CLASP2: variants seen among roughly 807,000 people sequenced by gnomAD.
CLASP2 encodes CLIP-associating protein 2.
A neutral mutation model predicts 194.4 loss-of-function variants in CLASP2; 47 were observed. The ratio of observed to expected loss-of-function variants is 0.24; its 90% CI spans 0.19 to 0.31. CLASP2 has a LOEUF of 0.31. Among genes scored for constraint, CLASP2 ranks in the 10% least tolerant of loss-of-function variants. The probability of loss-of-function intolerance (pLI) is 1.00; values close to 1 mark genes in which losing one functional copy is unlikely to be tolerated. For synonymous variants in CLASP2, 619 were observed against 633.5 expected (o/e 0.98, Z 0.34); for missense variants, 1,445 against 1,823.6 (o/e 0.79, Z 3.78).
chr3:33,689,885 G>A lies in CLASP2; in HGVS notation c.322C>T (p.Arg108Ter), dbSNP rs755785792. ...AATATCAGAGTCTGAGCTTCATCTC[G>A]AACCTTGTCTTTGGCATCTCCCATT... ...DRMGDAKDKVRDEAQTLILKL... is the reference protein window; with the variant it reads ...DRMGDAKDKV Residue 108 changes from arginine (R) to a stop codon, truncating the protein, a stop_gained, in exon 3 of 39, where the codon CGA (arginine) becomes TGA (stop). Coordinates refer to ENST00000682230, the MANE Select transcript of CLASP2 (RefSeq NM_001365631.1). LOFTEE classifies it high-confidence loss of function. 4 of 1,599,980 alleles carry A rather than the reference G, an allele frequency of 2.5e-6. No individual in the cohort carries two copies. The highest frequency in any genetic ancestry group is 3.5e-5 in the Admixed American group (2 of 57,580).
chr3:33,585,703 C>T (rs1463415086), intron 21 of CLASP2, among the ~76,000 whole-genome samples: 5 of 152,116 alleles, frequency 3.3e-5, no homozygotes, highest in South Asian at 4.2e-4. Flanking sequence ...GTACCCAATA[C>T]GCAGTCTTTT....
intron 38 of CLASP2, among the ~76,000 whole-genome samples, chr3:33,500,423 C>A (rs184484299): frequency 6.6e-6 from 1 of 152,170 alleles, no homozygotes; most frequent in Non-Finnish European, 1.5e-5. Flanking sequence ...TGATAAAGTG[C>A]TGAATTTTAA....
At position 33,718,160 on chromosome 3, in the gene CLASP2, A is replaced by C. The variant is rs1235732445; in HGVS notation, c.-158T>G. 7 of 630,718 alleles carry C rather than the reference A, an allele frequency of 1.1e-5. No homozygotes were observed. Among genetic ancestry groups the C allele is most frequent in the Admixed American group, 4.3e-5 (1 of 23,470 alleles). The allele number at this position is 630,718 out of a possible 1,614,324, so 39.1% of individuals were successfully genotyped here. A position where few individuals can be genotyped will look rare whatever the true frequency, so the allele number is the denominator to read the frequency against. On this transcript the variant is annotated 5_prime_UTR_variant, in exon 1 of 39. Coordinates refer to ENST00000682230, the MANE Select transcript of CLASP2 (RefSeq NM_001365631.1). The stretch of plus-strand genomic sequence containing the variant: ...GCAGCGGGCGGCGGGAGGAACGCCA[A>C]GCGCCCAGCCGCCCCCAAACTAGTC...
intron 18 of CLASP2, among the ~76,000 whole-genome samples, chr3:33,597,506 C>T (rs1576978610): frequency 6.6e-6 from 1 of 152,244 alleles, no homozygotes; most frequent in East Asian, 1.9e-4. Context: ...CTGAACTCTG[C>T]TACAGTTTGC....
At chr3:33,650,310 T>C (rs184632013) in intron 7 of CLASP2, among the ~76,000 whole-genome samples, 1 of 152,214 alleles carries the variant, frequency 6.6e-6, no homozygotes, top group Non-Finnish European at 1.5e-5. Flanking sequence ...TTAGGATACA[T>C]ACAGTAGGTG....
At chr3:33,678,701 T>A (rs2089277843) in intron 6 of CLASP2, among the ~76,000 whole-genome samples, 1 of 152,180 alleles carries the variant, frequency 6.6e-6, no homozygotes, top group Non-Finnish European at 1.5e-5. Flanking sequence ...CATAAAGGTA[T>A]AAATCTAACG....
At chr3:33,616,793 A>G (rs2076254958) in intron 12 of CLASP2, among the ~76,000 whole-genome samples, 1 of 132,188 alleles carries the variant, frequency 7.6e-6, no homozygotes, top group African/African-American at 3.0e-5. Flanking sequence ...GCTGGAGTGC[A>G]GTGGCGTAAT....
intron 17 of CLASP2, 109 bp downstream of exon 17, chr3:33,604,045 G>T: frequency 2.6e-6 from 2 of 772,622 alleles, no homozygotes; most frequent in South Asian, 3.2e-5. Flanking sequence ...GTGTGGTACT[G>T]AGTTACCAAG....
intron 34 of CLASP2, among the ~76,000 whole-genome samples, chr3:33,519,480 T>C (rs1379146589): frequency 6.6e-6 from 1 of 152,090 alleles, no homozygotes; most frequent in Non-Finnish European, 1.5e-5. Context: ...AAATTTTAGA[T>C]TTTAAAAACA....
chr3:33,680,447 T>C (rs1404974529), intron 6 of CLASP2, among the ~76,000 whole-genome samples: 1 of 152,210 alleles, frequency 6.6e-6, no homozygotes, highest in Non-Finnish European at 1.5e-5. Flanking sequence ...TAGGCATGTA[T>C]AGCGACAGAG....
chr3:33,535,392 G>A lies in CLASP2; in HGVS notation c.3628C>T (p.Leu1210Phe), dbSNP rs767746519. ...TGGAGCAATGAAGCTTTATTATCAA[G>A]AGCTGTTTGACTTGAGTCAGTAGCA... ...GDATDSSQTA[L>F]DNKASLLHSM... The change falls in exon 34 of 39, where the codon CTT becomes TTT. Residue 1210 changes from leucine (L) to phenylalanine (F), a missense_variant. Around this residue, in one of 4 missense-constraint regions of CLASP2, gnomAD observed 732 missense variants for 987.9 expected, o/e 0.74. Transcript: ENST00000682230. 13 of 1,613,940 alleles carry A rather than the reference G, an allele frequency of 8.1e-6. No homozygotes were observed. The highest frequency in any genetic ancestry group is 1.7e-5 in the Admixed American group (1 of 60,024).
At chr3:33,585,000 T>C in intron 21 of CLASP2, 80 bp from the exon 22 acceptor site, 7 of 1,277,548 alleles carry the variant, frequency 5.5e-6, no homozygotes, top group Non-Finnish European at 7.6e-6. Context: ...TCAAGAAATA[T>C]TGATAATACA....
intron 34 of CLASP2, among the ~76,000 whole-genome samples, chr3:33,518,167 T>C (rs928726699): frequency 1.3e-5 from 2 of 152,336 alleles, no homozygotes; most frequent in African/African-American, 4.8e-5. Flanking sequence ...CTTTAAATTT[T>C]AGCATCAAGA....
At position 33,544,731 on chromosome 3, in the gene CLASP2, A is replaced by G; in HGVS notation, c.3264T>C (p.His1088=). Residue 1088 remains histidine (H), a synonymous_variant, in exon 31 of 39, where the codon CAT becomes CAC. Coordinates refer to ENST00000682230, the MANE Select transcript of CLASP2 (RefSeq NM_001365631.1). ...CATTGCCAGTGTTTCGAAGGTGATT[A>G]TGAAGAAGCTTGGTAGCACCATCCT... ...TFQDGATKLL[H]NHLRNTGNGT... The G allele has an allele frequency of 6.2e-7, 1 of 1,613,348 alleles. No homozygotes were observed. The highest frequency in any genetic ancestry group is 8.5e-7 in the Non-Finnish European group (1 of 1,179,596).
intron 2 of CLASP2, among the ~76,000 whole-genome samples, chr3:33,694,379 C>A (rs1410797002): frequency 6.6e-6 from 1 of 152,168 alleles, no homozygotes; most frequent in Non-Finnish European, 1.5e-5. Context: ...ATGTGGTACT[C>A]CTGGTGTCTG....
chr3:33,708,100 T>C (rs1005009906), intron 1 of CLASP2, among the ~76,000 whole-genome samples: 1 of 152,086 alleles, frequency 6.6e-6, no homozygotes, highest in African/African-American at 2.4e-5. Flanking sequence ...TCTACGCTCT[T>C]AGTAAATTTC....
At chr3:33,520,623 T>C (rs541700147) in intron 34 of CLASP2, among the ~76,000 whole-genome samples, 1 of 152,126 alleles carries the variant, frequency 6.6e-6, no homozygotes, top group South Asian at 2.1e-4. Flanking sequence ...AAGGAGGTAA[T>C]AGCAGAGATA....
In CLASP2 at chr3:33,501,760, A is replaced by G. The variant is rs867925729; in HGVS notation, c.4326T>C (p.Asp1442=). 1.7e-5 allele frequency: 27 copies of G among 1,610,692 alleles called. 1 individual carries two copies. In the Middle Eastern group the frequency reaches 3.8e-3, roughly 227 times the overall value. The change falls in exon 38 of 39, where the codon GAT becomes GAC. Residue 1442 remains aspartate, a synonymous_variant. Coordinates refer to ENST00000682230, the MANE Select transcript of CLASP2 (RefSeq NM_001365631.1). ...CTTTCCGAACACTGCTCTCTGAATT[A>G]TCATAACCCTACGGAGAGAAGTCCA... is the stretch of plus-strand genomic sequence containing the variant. ...EIMPGLIQGY[D]NSESSVRKAC...
chr3:33,541,302 A>G (rs1279716329), intron 32 of CLASP2, among the ~76,000 whole-genome samples: 1 of 151,848 alleles, frequency 6.6e-6, no homozygotes, highest in East Asian at 1.9e-4. Flanking sequence ...CACGGAATAC[A>G]CCACAGCCAG....
Sources: allele counts gnomAD v4.1 joint callset (sites outside exome capture counted in the v4.1 genomes callset), GRCh38; gene constraint gnomAD v4.1.1; regional missense constraint gnomAD v4.1.1; transcripts MANE v1.5; gene names NCBI Gene and HGNC (gene_info 2026-07-23, HGNC 2026-07-21).